The following COG4 variants were observed in gnomAD, a reference collection of about 807,000 sequenced individuals.
The protein encoded by COG4 is conserved oligomeric Golgi complex subunit 4.
COG4 carries 65 observed loss-of-function variants against 95.1 expected under a neutral mutation model. That is an observed-to-expected ratio of 0.68 (90% CI 0.56 to 0.84). COG4 has a LOEUF of 0.84. Ranked by LOEUF, COG4 falls within the 40% of genes least tolerant of loss-of-function variation. The pLI, the probability that COG4 is intolerant of heterozygous loss-of-function variation, is 0.00. For synonymous variants in COG4, 421 were observed against 374.8 expected (o/e 1.12, Z -1.42); for missense variants, 1,045 against 989.1 (o/e 1.06, Z -0.76).
At position 70,483,987 on chromosome 16, in the gene COG4, T is replaced by C; in HGVS notation, c.1711-18A>G. 6.3e-7 allele frequency: 1 copy of C among 1,576,810 alleles called. No individual in the cohort carries two copies. The highest frequency in any genetic ancestry group is 8.7e-7 in the Non-Finnish European group (1 of 1,150,450). ...CAGTCACTCTAGGGGAGAACACTGCTGTAAGACCACCGAGCACGCGTGGGC... is the reference window on the plus strand; with the variant it reads ...CAGTCACTCTAGGGGAGAACACTGCCGTAAGACCACCGAGCACGCGTGGGC... On this transcript the variant is annotated intron_variant, in intron 13 of 18. Transcript: ENST00000323786.
chr16:70,499,912 G>A (rs1216625673), intron 9 of COG4, among the ~76,000 whole-genome samples: 4 of 151,940 alleles, frequency 2.6e-5, no homozygotes, highest in Non-Finnish European at 5.9e-5. Context: ...CGCCTGCCTC[G>A]GCCTCCCAAA....
At chr16:70,495,827 T>C (rs768251014) in intron 12 of COG4, among the ~76,000 whole-genome samples, 2 of 152,204 alleles carry the variant, frequency 1.3e-5, no homozygotes, top group Non-Finnish European at 2.9e-5. Flanking sequence ...CCAGAGGAAG[T>C]TGAAAGCCTA....
At chr16:70,496,857 GCTAA>G (rs2049350340) in intron 11 of COG4, among the ~76,000 whole-genome samples, 1 of 152,190 alleles carries the variant, frequency 6.6e-6, no homozygotes, top group African/African-American at 2.4e-5. Flanking sequence ...ATAAAACAGA[GCTAA>G]CAGTTCCTAC....
chr16:70,497,555 C>A (rs545213502), intron 10 of COG4, among the ~76,000 whole-genome samples, 168 bp from the exon 11 acceptor site: 21 of 152,282 alleles, frequency 1.4e-4, no homozygotes, highest in Non-Finnish European at 1.3e-4. Flanking sequence ...CCCTATTGAT[C>A]ACTAGGTGAA....
intron 9 of COG4, 119 bp from the exon 10 acceptor site, chr16:70,498,174 C>T (rs902304367): frequency 2.4e-5 from 17 of 705,162 alleles, no homozygotes; most frequent in East Asian, 1.3e-4. Context: ...TATTTTACAT[C>T]GTTACAATCA....
At chr16:70,484,180 A>T (rs187248490) in intron 13 of COG4, among the ~76,000 whole-genome samples, 4 of 152,364 alleles carry the variant, frequency 2.6e-5, no homozygotes, top group African/African-American at 7.2e-5. Context: ...GAAGTGAGTA[A>T]GAAACAGAAA....
At chr16:70,518,088 G>A (rs535638338) in intron 2 of COG4, among the ~76,000 whole-genome samples, 153 of 151,918 alleles carry the variant, frequency 1.0e-3, no homozygotes, top group Non-Finnish European at 1.8e-3. Flanking sequence ...GTGCCACCAA[G>A]CCCAGATAAT....
chr16:70,493,105 T>G (rs899837906), intron 12 of COG4, among the ~76,000 whole-genome samples: 11 of 152,220 alleles, frequency 7.2e-5, no homozygotes, highest in African/African-American at 2.6e-4. Flanking sequence ...CATAAAAGGG[T>G]AGAACATAAT....
intron 11 of COG4, among the ~76,000 whole-genome samples, chr16:70,496,661 A>G (rs1158922824): frequency 6.6e-6 from 1 of 152,174 alleles, no homozygotes; most frequent in Non-Finnish European, 1.5e-5. Context: ...GCCAATCTCT[A>G]CTGTTCATGA....
chr16:70,523,473 A>G lies in COG4; in HGVS notation c.71T>C (p.Val24Ala), dbSNP rs1370200357. Residue 24 changes from valine to alanine, a missense_variant, in exon 1 of 19, where the codon GTG becomes GCG. Coordinates refer to ENST00000323786, the MANE Select transcript of COG4 (RefSeq NM_015386.3). ...GATTTCGGAGCAGCGGCCACCTCCCACCCCCTCAGACGGCTGCTGCACCCC... is the reference window on the plus strand; with the variant it reads ...GATTTCGGAGCAGCGGCCACCTCCCGCCCCCTCAGACGGCTGCTGCACCCC... ...LSGVQQPSEG[V>A]GGGRCSEISA... The G allele has an allele frequency of 3.1e-6, 5 of 1,613,526 alleles. No individual in the cohort carries two copies. Among genetic ancestry groups the G allele is most frequent in the Non-Finnish European group, 4.2e-6 (5 of 1,179,914 alleles).
At chr16:70,520,613 CAA>C (rs10595802) in intron 1 of COG4, among the ~76,000 whole-genome samples, 17,914 of 147,736 alleles carry the variant, frequency 0.12, 3,534 homozygotes, top group African/African-American at 0.42. Flanking sequence ...ACCTGGGTAA[CAA>C]GAGTGAAACG....
intron 11 of COG4, 33 bp from the exon 12 acceptor site, chr16:70,496,464 G>A (rs2049342328): frequency 1.9e-6 from 3 of 1,612,540 alleles, no homozygotes; most frequent in Non-Finnish European, 2.5e-6. Flanking sequence ...GGAATTGACA[G>A]TGCTCAACTT....
chr16:70,509,054 A>G (rs1043461550), intron 7 of COG4, 177 bp downstream of exon 7: 35 of 756,762 alleles, frequency 4.6e-5, no homozygotes, highest in Non-Finnish European at 7.5e-5. Flanking sequence ...CATCTCGACA[A>G]CACCTCAAGT....
intron 3 of COG4, among the ~76,000 whole-genome samples, chr16:70,516,236 G>A (rs2049819996): frequency 6.6e-6 from 1 of 151,906 alleles, no homozygotes; most frequent in Admixed American, 6.6e-5. Context: ...AATTCCACTT[G>A]GTCATAGTAT....
intron 12 of COG4, among the ~76,000 whole-genome samples, chr16:70,493,028 A>C (rs1403585847): frequency 1.3e-5 from 2 of 152,194 alleles, no homozygotes; most frequent in Middle Eastern, 3.2e-3. Context: ...TTCAGAGGAA[A>C]GAACAAACTG....
intron 13 of COG4, among the ~76,000 whole-genome samples, chr16:70,488,675 G>A (rs1462207603): frequency 2.0e-5 from 3 of 152,150 alleles, no homozygotes; most frequent in Non-Finnish European, 4.4e-5. Context: ...AGCCTCCCGA[G>A]TAGCTGGGAT....
chr16:70,507,558 T>C (rs1314879798), intron 8 of COG4, among the ~76,000 whole-genome samples: 1 of 152,056 alleles, frequency 6.6e-6, no homozygotes, highest in Non-Finnish European at 1.5e-5. Context: ...GATGTATTTC[T>C]CAGAATGTAC....
chr16:70,503,593 CTCTTTTT>C lies in COG4; in HGVS notation c.1062-2509_1062-2503del, dbSNP rs2049496929. Among the ~76,000 whole-genome samples, 3 of 100,918 alleles carry C rather than the reference CTCTTTTT, an allele frequency of 3.0e-5. No individual in the cohort carries two copies. The East Asian group carries it at 8.0e-4, about 27-fold the overall frequency. The allele number at this position is 100,918 out of a possible 152,430, so 66.2% of individuals were successfully genotyped here. A position where few individuals can be genotyped will look rare whatever the true frequency, so the allele number is the denominator to read the frequency against. ...CTCCTCACATCTTAACTCCTACTTA[CTCTTTTT>C]TTTTTTTTTTTTGAGACGGAGTCTC... On this transcript the variant is annotated intron_variant, in intron 8 of 18. Transcript: ENST00000323786.
Position 70,512,433 on chromosome 16 carries a change from C to T in COG4, c.545-1G>A. 6.2e-6 allele frequency: 10 copies of T among 1,613,360 alleles called. No individual in the cohort carries two copies. Among genetic ancestry groups the T allele is most frequent in the Non-Finnish European group, 8.5e-6 (10 of 1,179,542 alleles). ...TTCAGGTTGGCATCAATCATGCTCCCTGCTCAACAGGGAGAAAATGAAAAT... is the reference window on the plus strand; with the variant it reads ...TTCAGGTTGGCATCAATCATGCTCCTTGCTCAACAGGGAGAAAATGAAAAT... On this transcript the variant is annotated splice_acceptor_variant, in intron 4 of 18. Coordinates refer to ENST00000323786, the MANE Select transcript of COG4 (RefSeq NM_015386.3). LOFTEE classifies it high-confidence loss of function.
Sources: allele counts gnomAD v4.1 joint callset (sites outside exome capture counted in the v4.1 genomes callset), GRCh38; gene constraint gnomAD v4.1.1; transcripts MANE v1.5; gene names NCBI Gene and HGNC (gene_info 2026-07-23, HGNC 2026-07-21).